POLK: variants seen among roughly 807,000 people sequenced by gnomAD.
POLK encodes the protein polymerase (DNA directed) kappa.
Under a neutral mutation model 94.0 loss-of-function variants are expected in POLK, and 76 were observed. The ratio of observed to expected loss-of-function variants is 0.81; its 90% confidence interval spans 0.67 to 0.98. The LOEUF (loss-of-function observed/expected upper bound fraction) is 0.98. Among genes scored for constraint, POLK ranks in the 50% least tolerant of loss-of-function variants. The pLI is 0.00. For synonymous variants in POLK, 349 were observed against 325.4 expected, an observed-to-expected ratio of 1.07 and a Z score of -0.78; for missense variants, 954 against 1,010.1, an observed-to-expected ratio of 0.94 and a Z score of 0.75.
intron 2 of POLK, among the ~76,000 whole-genome samples, chr5:75,548,616 G>C (rs189617831): frequency 1.8e-4 from 27 of 151,606 alleles, no homozygotes; most frequent in Admixed American, 4.6e-4. Context: ...TATACATGTA[G>C]AAAGATGTAA....
At chr5:75,576,077 A>G (rs1771857640) in intron 5 of POLK, among the ~76,000 whole-genome samples, 1 of 152,158 alleles carries the variant, frequency 6.6e-6, no homozygotes, top group South Asian at 2.1e-4. Context: ...GGCATTTCTG[A>G]ATTAAAAGCC....
chr5:75,609,217 A>T, the POLK span: 1 of 152,030 alleles, frequency 6.6e-6, no homozygotes, highest in Admixed American at 6.6e-5. Context: ...TCAAACTTGG[A>T]TAACACAATT....
chr5:75,553,064 C>T, intron 3 of POLK, among the ~76,000 whole-genome samples: 1 of 152,144 alleles, frequency 6.6e-6, no homozygotes, highest in Non-Finnish European at 1.5e-5. Context: ...TAAAAAGTCA[C>T]ACTATAGATT....
chr5:75,516,800 G>A (rs1229924030), intron 1 of POLK, among the ~76,000 whole-genome samples: 1 of 152,220 alleles, frequency 6.6e-6, no homozygotes, highest in Non-Finnish European at 1.5e-5. Context: ...TTTGATTTTT[G>A]TATCAAAAAT....
chr5:75,552,097 A>AT (rs1412253724), intron 2 of POLK, among the ~76,000 whole-genome samples: 1 of 152,142 alleles, frequency 6.6e-6, no homozygotes, highest in African/African-American at 2.4e-5. Context: ...TGTAAGGAGT[A>AT]TTTTTTTAAT....
upstream of POLK, chr5:75,511,374 C>T: frequency 1.3e-6 from 2 of 1,546,582 alleles, no homozygotes; most frequent in African/African-American, 1.4e-5. Context: ...GCGCCGCCGC[C>T]GCGCCTGACA....
chr5:75,540,876 A>G (rs927392653), intron 1 of POLK, among the ~76,000 whole-genome samples: 1 of 152,208 alleles, frequency 6.6e-6, no homozygotes, highest in African/African-American at 2.4e-5. Context: ...CTATAAGATA[A>G]AAACTTAGAT....
chr5:75,554,739 T>C, intron 3 of POLK, among the ~76,000 whole-genome samples: 1 of 152,174 alleles, frequency 6.6e-6, no homozygotes. Context: ...CTCCCACTTA[T>C]AAGTGAGAAC....
At chr5:75,561,665 T>G (rs1385438162) in intron 3 of POLK, among the ~76,000 whole-genome samples, 1 of 152,218 alleles carries the variant, frequency 6.6e-6, no homozygotes, top group Non-Finnish European at 1.5e-5. Flanking sequence ...CTTTAATCCA[T>G]CTTGAGTTAA....
rs1581110293 is a variant in POLK, at chr5:75,596,464, C to T, written c.1771C>T (p.Gln591Ter). 1.9e-6 allele frequency: 3 copies of T among 1,613,768 alleles called. No homozygotes were observed. The East Asian group carries it at 6.7e-5, about 36-fold the overall frequency. Reference sequence around the variant, plus strand: ...ATTTAAATGTGAAGCCGTGAATAAACAAAGTTTCCAGACATCACAACCATT... The same window carrying T: ...ATTTAAATGTGAAGCCGTGAATAAATAAAGTTTCCAGACATCACAACCATT... The change falls in exon 13 of 15, where the codon CAA becomes TAA. Residue 591 changes from glutamine (Q) to a stop codon, truncating the protein, a stop_gained. Transcript: ENST00000241436. LOFTEE classifies it high-confidence loss of function.
chr5:75,560,280 A>G (rs1290924655), intron 3 of POLK, among the ~76,000 whole-genome samples: 3 of 152,192 alleles, frequency 2.0e-5, no homozygotes, highest in Admixed American at 2.0e-4. Context: ...TACCCAATAA[A>G]TGTAACTTCT....
At chr5:75,555,798 C>T (rs1159045913) in intron 3 of POLK, among the ~76,000 whole-genome samples, 1 of 152,194 alleles carries the variant, frequency 6.6e-6, no homozygotes, top group East Asian at 1.9e-4. Flanking sequence ...ATCCGCCTGC[C>T]TCAGCCTTCC....
At chr5:75,566,420 A>C (rs1013529710) in intron 3 of POLK, among the ~76,000 whole-genome samples, 1 of 152,198 alleles carries the variant, frequency 6.6e-6, no homozygotes, top group South Asian at 2.1e-4. Context: ...TATGAAAAAA[A>C]ACTCCTGCAG....
chr5:75,511,184 G>A (rs745506150), upstream of POLK: 14 of 1,613,000 alleles, frequency 8.7e-6, no homozygotes, highest in Admixed American at 2.3e-4. Context: ...AGCCCGACGA[G>A]TTCCAGCTCT....
chr5:75,532,955 T>C (rs1769253704), intron 1 of POLK, among the ~76,000 whole-genome samples: 1 of 152,210 alleles, frequency 6.6e-6, no homozygotes, highest in African/African-American at 2.4e-5. Flanking sequence ...TTTAAAATTT[T>C]GTTTCAGTTC....
chr5:75,597,678 T>G, intron 13 of POLK, 69 bp from the exon 14 acceptor site: 1 of 900,898 alleles, frequency 1.1e-6, no homozygotes, highest in Non-Finnish European at 1.6e-6. Flanking sequence ...ACTTTTTAAA[T>G]TTGTATACAA....
intron 1 of POLK, among the ~76,000 whole-genome samples, chr5:75,540,373 C>T (rs544135509): frequency 2.6e-5 from 4 of 151,890 alleles, no homozygotes; most frequent in South Asian, 2.1e-4. Context: ...GTGGCATAAC[C>T]GTGGCTGACT....
chr5:75,590,562 T>C (rs1772732924), intron 11 of POLK, 122 bp downstream of exon 11: 1 of 655,712 alleles, frequency 1.5e-6, no homozygotes, highest in East Asian at 2.7e-5. Flanking sequence ...AACGTCAGAA[T>C]AGTGTATTCC....
At chr5:75,516,014 G>A (rs1182806911) in intron 1 of POLK, among the ~76,000 whole-genome samples, 1 of 151,994 alleles carries the variant, frequency 6.6e-6, no homozygotes, top group East Asian at 1.9e-4. Flanking sequence ...TTTACCTGTT[G>A]GCCATTAGTA....
Sources: allele counts gnomAD v4.1 joint callset (sites outside exome capture counted in the v4.1 genomes callset), GRCh38; gene constraint gnomAD v4.1.1; transcripts MANE v1.5; gene names NCBI Gene and HGNC (gene_info 2026-07-23, HGNC 2026-07-21).